Variants in HNRNPA1 observed in about 807,000 individuals in gnomAD.
HNRNPA1 encodes heterogeneous nuclear ribonucleoprotein A1.
In HNRNPA1, 7 loss-of-function variants were observed where a neutral mutation model predicts 44.4. That is an observed-to-expected ratio of 0.16 (90% CI 0.09 to 0.30). HNRNPA1 has a LOEUF of 0.30. HNRNPA1 is among the 10% of genes least tolerant of loss of function. The pLI, the probability that HNRNPA1 is intolerant of heterozygous loss-of-function variation, is 1.00. For synonymous variants in HNRNPA1, 169 were observed against 160.6 expected (o/e 1.05, Z -0.40); for missense variants, 193 against 465.8 (o/e 0.41, Z 5.39).
intron 1 of HNRNPA1, 155 bp downstream of exon 1, chr12:54,280,977 T>G: frequency 1.2e-6 from 1 of 816,316 alleles, no homozygotes; most frequent in Non-Finnish European, 2.1e-6. Context: ...CGCCATTTTG[T>G]CCTCTTGATC....
In HNRNPA1 at chr12:54,280,802, G is replaced by C. The variant is rs773016629; in HGVS notation, c.-6G>C. The C allele has an allele frequency of 1.9e-6, 3 of 1,614,178 alleles. No individual in the cohort carries two copies. The highest frequency in any genetic ancestry group is 1.7e-6 in the Non-Finnish European group (2 of 1,180,006). ...CATCGTTAAAGTCTCTCTTCACCCTGCCGTCATGTCTAAGTCAGAGGTGAG... is the reference window on the plus strand; with the variant it reads ...CATCGTTAAAGTCTCTCTTCACCCTCCCGTCATGTCTAAGTCAGAGGTGAG... On this transcript the variant is annotated 5_prime_UTR_variant, in exon 1 of 11. Transcript: ENST00000340913.
chr12:54,284,126 C>T, intron 9 of HNRNPA1, 132 bp from the exon 10 acceptor site: 1 of 1,238,596 alleles, frequency 8.1e-7, no homozygotes, highest in Non-Finnish European at 1.1e-6. Context: ...ATCATGGGAC[C>T]TCTTTACCAC....
chr12:54,282,190 A>G lies in HNRNPA1; in HGVS notation c.380A>G (p.Gln127Arg). Residue 127 changes from glutamine (Q) to arginine (R), a missense_variant, in exon 4 of 11, where the codon CAG (glutamine) becomes CGG (arginine). This residue lies in a region of HNRNPA1 where 57 missense variants were observed against 231.3 expected (regional missense o/e 0.25). Transcript: ENST00000340913. The part of the protein sequence containing the change: ...EEHHLRDYFE[Q>R]YGKIEVIEIM... ...CATCACCTAAGAGATTATTTTGAAC[A>G]GTATGGAAAAATTGAAGTGATTGAA... The G allele has an allele frequency of 6.2e-7, 1 of 1,602,184 alleles. No individual in the cohort carries two copies. Among genetic ancestry groups the G allele is most frequent in the Non-Finnish European group, 8.5e-7 (1 of 1,174,308 alleles).
chr12:54,283,261 G>A, intron 8 of HNRNPA1, 27 bp downstream of exon 8: 1 of 1,607,856 alleles, frequency 6.2e-7, no homozygotes, highest in Non-Finnish European at 8.5e-7. Context: ...CCAAGTACTT[G>A]GTGTGACAGC....
Position 54,284,291 on chromosome 12 carries a change from A to G in HNRNPA1, c.1097A>G (p.Tyr366Cys), listed in dbSNP as rs483353041. The G allele has an allele frequency of 6.2e-7, 1 of 1,614,006 alleles. No individual in the cohort carries two copies. ...GYGGSSSSSS[Y>C]GSGRRF ...GGCGGTTCCAGCAGCAGCAGTAGCT[A>G]TGGCAGTGGCAGAAGATTTTAATTA... Residue 366 changes from tyrosine to cysteine, a missense_variant, in exon 10 of 11, where the codon TAT becomes TGT. Coordinates refer to ENST00000340913, the MANE Select transcript of HNRNPA1 (RefSeq NM_031157.4).
Position 54,280,804 on chromosome 12 carries a change from C to T in HNRNPA1, c.-4C>T, listed in dbSNP as rs770860607. 22 of 1,614,158 alleles carry T rather than the reference C, an allele frequency of 1.4e-5. No individual in the cohort carries two copies. Among genetic ancestry groups the T allele is most frequent in the Non-Finnish European group, 1.7e-5 (20 of 1,180,024 alleles). ...TCGTTAAAGTCTCTCTTCACCCTGC[C>T]GTCATGTCTAAGTCAGAGGTGAGTT... On this transcript the variant is annotated 5_prime_UTR_variant, in exon 1 of 11. Coordinates refer to ENST00000340913, the MANE Select transcript of HNRNPA1 (RefSeq NM_031157.4).
intron 10 of HNRNPA1, 26 bp downstream of exon 10, chr12:54,284,343 G>C: frequency 6.2e-7 from 1 of 1,603,630 alleles, no homozygotes; most frequent in Non-Finnish European, 8.5e-7. Flanking sequence ...TTTGTGTGTT[G>C]ACATAATTTT....
At position 54,283,298 on chromosome 12, in the gene HNRNPA1, C is replaced by G. The variant is rs553901369; in HGVS notation, c.907+64C>G. The G allele has an allele frequency of 8.5e-5, 132 of 1,557,288 alleles. 1 individual carries two copies. The African/African-American group carries it at 1.7e-3, about 21-fold the overall frequency. On this transcript the variant is annotated intron_variant, in intron 8 of 10. Coordinates refer to ENST00000340913, the MANE Select transcript of HNRNPA1 (RefSeq NM_031157.4). ...AGATTAGCCTTTTAGAGCTTGGGTTCTGGTGCTGTTGAAGCATTGTGTGGT... is the reference window on the plus strand; with the variant it reads ...AGATTAGCCTTTTAGAGCTTGGGTTGTGGTGCTGTTGAAGCATTGTGTGGT...
chr12:54,281,200 T>A, intron 1 of HNRNPA1, 186 bp from the exon 2 acceptor site: 2 of 699,190 alleles, frequency 2.9e-6, no homozygotes, highest in Middle Eastern at 2.3e-4. Context: ...ACGCATGCGC[T>A]TGCGATTTCC....
Position 54,282,891 on chromosome 12 carries a change from T to A in HNRNPA1, c.751+17T>A. 6.5e-7 allele frequency: 1 copy of A among 1,543,548 alleles called. No homozygotes were observed. Among genetic ancestry groups the A allele is most frequent in the Non-Finnish European group, 8.7e-7 (1 of 1,143,088 alleles). On this transcript the variant is annotated intron_variant, in intron 7 of 10. Transcript: ENST00000340913. ...GTAATGATGGTAAGTTTTTTAGGAATAAGTAGAGAAAAATTCCTGGCAACC... is the reference window on the plus strand; with the variant it reads ...GTAATGATGGTAAGTTTTTTAGGAAAAAGTAGAGAAAAATTCCTGGCAACC...
chr12:54,284,009 CTG>C (rs1433836795), intron 9 of HNRNPA1, 42 bp downstream of exon 9: 12 of 1,594,864 alleles, frequency 7.5e-6, no homozygotes, highest in South Asian at 1.1e-5. Context: ...AAAAGAGTGT[CTG>C]TAGCTACTGC....
At chr12:54,284,512 G>C in intron 10 of HNRNPA1, 37 bp from the exon 11 acceptor site, 1 of 718,976 alleles carries the variant, frequency 1.4e-6, no homozygotes, top group Non-Finnish European at 2.5e-6. Flanking sequence ...GTCTTAATAT[G>C]TTTAGATTAA....
intron 5 of HNRNPA1, 35 bp downstream of exon 5, chr12:54,282,521 C>CT: frequency 6.2e-7 from 1 of 1,609,570 alleles, no homozygotes; most frequent in Non-Finnish European, 8.5e-7. Flanking sequence ...TTAAAGGTAA[C>CT]TTTGAGTTAC....
chr12:54,283,007 C>CA, intron 7 of HNRNPA1, 72 bp from the exon 8 acceptor site: 1 of 1,556,562 alleles, frequency 6.4e-7, no homozygotes, highest in Non-Finnish European at 8.7e-7. Context: ...AGCAGGCCTT[C>CA]AGCCGTTACA....
At chr12:54,281,242 T>A in intron 1 of HNRNPA1, 144 bp from the exon 2 acceptor site, 1 of 721,768 alleles carries the variant, frequency 1.4e-6, no homozygotes, top group Non-Finnish European at 2.5e-6. Context: ...ACGGCCTCCC[T>A]TGATAGGCAG....
Position 54,283,977 on chromosome 12 carries a change from CTA to C in HNRNPA1, c.1063+12_1063+13del, listed in dbSNP as rs761504237. The C allele has an allele frequency of 1.2e-6, 2 of 1,604,048 alleles. No homozygotes were observed. Among genetic ancestry groups the C allele is most frequent in the Admixed American group, 1.7e-5 (1 of 59,912 alleles). ...AAACCACGAAACCAAGGTATGGTAT[CTA>C]TGTAATTTTGGATAATGTCAAAAGA... On this transcript the variant is annotated intron_variant, in intron 9 of 10. Coordinates refer to ENST00000340913, the MANE Select transcript of HNRNPA1 (RefSeq NM_031157.4).
Position 54,282,612 on chromosome 12 carries a change from G to T in HNRNPA1, c.623G>T (p.Gly208Val). 6.2e-7 allele frequency: 1 copy of T among 1,614,042 alleles called. No individual in the cohort carries two copies. The highest frequency in any genetic ancestry group is 1.1e-5 in the South Asian group (1 of 91,078). Residue 208 changes from glycine to valine, a missense_variant, in exon 6 of 11, where the codon GGT becomes GTT. By Grantham distance (109) the Gly-to-Val change is moderately radical (BLOSUM62 -3). Coordinates refer to ENST00000340913, the MANE Select transcript of HNRNPA1 (RefSeq NM_031157.4). The part of the protein sequence containing the change: ...GSGNFGGGRG[G>V]GFGGNDNFGR... Reference sequence around the variant, plus strand: ...GGAAACTTTGGTGGTGGTCGTGGAGGTGGTTTCGGTGGGAATGACAACTTC... The same window carrying T: ...GGAAACTTTGGTGGTGGTCGTGGAGTTGGTTTCGGTGGGAATGACAACTTC...
chr12:54,282,083 C>T lies in HNRNPA1; in HGVS notation c.280-7C>T. 1.2e-6 allele frequency: 2 copies of T among 1,611,254 alleles called. No individual in the cohort carries two copies. The highest frequency in any genetic ancestry group is 1.7e-6 in the Non-Finnish European group (2 of 1,178,176). ...CTAATCTAAACCTATGGTTTTTCTCCTATTAGGATTCTCAAAGACCAGGTG... is the reference window on the plus strand; with the variant it reads ...CTAATCTAAACCTATGGTTTTTCTCTTATTAGGATTCTCAAAGACCAGGTG... On this transcript the variant is annotated splice_region_variant and splice_polypyrimidine_tract_variant and intron_variant, in intron 3 of 10. Transcript: ENST00000340913.
chr12:54,286,894 T>C lies in HNRNPA1; in HGVS notation c.*2350T>C, dbSNP rs906856662. 1.3e-5 allele frequency: 2 copies of C among 152,152 alleles called. No homozygotes were observed. The highest frequency in any genetic ancestry group is 1.3e-4 in the Admixed American group (2 of 15,284). The allele number at this position is 152,152 out of a possible 1,614,324, so 9.4% of individuals were successfully genotyped here. On this transcript the variant is annotated 3_prime_UTR_variant, in exon 11 of 11. Transcript: ENST00000340913. Reference sequence around the variant, plus strand: ...TCCCAGTAGTGACAGTGGATATAACTGTGTAGTCATTCACCTCTGCTTATA... The same window carrying C: ...TCCCAGTAGTGACAGTGGATATAACCGTGTAGTCATTCACCTCTGCTTATA...
Sources: gnomAD v4.1 joint callset for allele counts on GRCh38, gnomAD v4.1.1 for gene constraint, gnomAD v4.1.1 regional missense constraint, MANE v1.5 for transcripts, NCBI Gene and HGNC (gene_info 2026-07-23, HGNC 2026-07-21) for gene names.